Variants in CLTCL1 observed in about 807,000 individuals in gnomAD.
The protein encoded by CLTCL1 is clathrin heavy chain like 1, also known as clathrin heavy chain 2.
A neutral mutation model predicts 190.0 loss-of-function variants in CLTCL1; 159 were observed. The ratio of observed to expected loss-of-function variants is 0.84; its 90% CI spans 0.74 to 0.95. The LOEUF (loss-of-function observed/expected upper bound fraction) is 0.95. Ranked by LOEUF, CLTCL1 falls within the 40% of genes least tolerant of loss-of-function variation. The pLI, the probability that CLTCL1 is intolerant of heterozygous loss-of-function variation, is 0.00. For missense variants in CLTCL1, 1,878 were observed against 2,033.4 expected (o/e 0.92, Z 1.47); for synonymous variants, 752 against 769.6 (o/e 0.98, Z 0.38).
intron 22 of CLTCL1, among the ~76,000 whole-genome samples, chr22:19,203,541 T>C (rs2084961216): frequency 6.6e-6 from 1 of 152,106 alleles, no homozygotes; most frequent in South Asian, 2.1e-4. Context: ...CAGACATGGT[T>C]TTCTGGACAC....
intron 18 of CLTCL1, among the ~76,000 whole-genome samples, chr22:19,219,053 T>C (rs142053495): frequency 0.023 from 3,563 of 152,302 alleles, 49 homozygotes; most frequent in Non-Finnish European, 0.037. Flanking sequence ...GCCAACTCTA[T>C]GCCCTTGGCC....
At position 19,266,994 on chromosome 22, in the gene CLTCL1, G is replaced by A. The variant is rs541274709; in HGVS notation, c.250+8629C>T. Among the ~76,000 whole-genome samples the A allele has an allele frequency of 1.1e-4, 16 of 152,248 alleles. No individual in the cohort carries two copies. In the South Asian group the frequency reaches 2.3e-3, roughly 22 times the overall value. On this transcript the variant is annotated intron_variant, in intron 2 of 32. Transcript: ENST00000427926. ...TAATACTGTACTGGGTATTCTAGCCGATGCAATGTTGAAACAAACAGAATC... is the reference window on the plus strand; with the variant it reads ...TAATACTGTACTGGGTATTCTAGCCAATGCAATGTTGAAACAAACAGAATC...
At chr22:19,212,468 G>C (rs1390238831) in intron 19 of CLTCL1, among the ~76,000 whole-genome samples, 1 of 151,890 alleles carries the variant, frequency 6.6e-6, no homozygotes, top group Admixed American at 6.6e-5. Flanking sequence ...GGCTGAGATG[G>C]GAGGACTGCT....
At chr22:19,288,661 G>C (rs1555991511) in intron 1 of CLTCL1, among the ~76,000 whole-genome samples, 3 of 152,230 alleles carry the variant, frequency 2.0e-5, no homozygotes, top group Non-Finnish European at 2.9e-5. Flanking sequence ...ACCAGGACCT[G>C]CTACTGCCTC....
At chr22:19,189,901 G>A (rs1039778564) in intron 27 of CLTCL1, among the ~76,000 whole-genome samples, 21 of 152,122 alleles carry the variant, frequency 1.4e-4, no homozygotes, top group African/African-American at 4.3e-4. Context: ...ATTTCTTTGT[G>A]TTGGGAACAT....
chr22:19,208,102 C>T lies in CLTCL1; in HGVS notation c.3600+52G>A, dbSNP rs961788031. 4.2e-5 allele frequency: 68 copies of T among 1,609,906 alleles called. No individual in the cohort carries two copies. The African/African-American group carries it at 7.3e-4, about 17-fold the overall frequency. ...CGGGACTGCTGCTCTGAGGAACATC[C>T]CTGGACCTAAATCTGACTGGCAGTG... On this transcript the variant is annotated intron_variant, in intron 22 of 32. Coordinates refer to ENST00000427926, the MANE Select transcript of CLTCL1 (RefSeq NM_007098.4).
At chr22:19,281,648 C>G (rs1379851076) in intron 1 of CLTCL1, among the ~76,000 whole-genome samples, 3 of 152,188 alleles carry the variant, frequency 2.0e-5, no homozygotes, top group Admixed American at 6.5e-5. Flanking sequence ...CAGGATAGGA[C>G]TGGATGCTCT....
intron 1 of CLTCL1, among the ~76,000 whole-genome samples, chr22:19,285,104 T>G (rs540266999): frequency 1.9e-4 from 29 of 152,128 alleles, no homozygotes; most frequent in Middle Eastern, 3.4e-3. Context: ...TGAAACCCTG[T>G]CTCTACTAAA....
At chr22:19,256,354 C>CTTTTTTT (rs1239133099) in intron 2 of CLTCL1, among the ~76,000 whole-genome samples, 87 of 104,336 alleles carry the variant, frequency 8.3e-4, no homozygotes, top group Non-Finnish European at 9.5e-4. Context: ...TTTCTTTTAT[C>CTTTTTTT]TTTTTTTTTT....
intron 1 of CLTCL1, among the ~76,000 whole-genome samples, chr22:19,282,097 G>A (rs989785614): frequency 2.6e-5 from 4 of 152,034 alleles, no homozygotes; most frequent in Non-Finnish European, 4.4e-5. Context: ...TTGGGAGGTC[G>A]AGGTGGGCAG....
chr22:19,280,818 C>CAAAAA (rs35797654), intron 1 of CLTCL1, among the ~76,000 whole-genome samples: 5 of 59,390 alleles, frequency 8.4e-5, no homozygotes, highest in African/African-American at 1.4e-4. Flanking sequence ...GACTCCATCT[C>CAAAAA]AAAAAAAAAA....
At chr22:19,212,565 AAG>A (rs2085259707) in intron 19 of CLTCL1, among the ~76,000 whole-genome samples, 2 of 149,470 alleles carry the variant, frequency 1.3e-5, no homozygotes, top group South Asian at 4.3e-4. Context: ...TATTGAAAGA[AAG>A]AGAAAGAAAG....
chr22:19,291,421 T>A (rs1432063598), intron 1 of CLTCL1, among the ~76,000 whole-genome samples, 179 bp downstream of exon 1: 1 of 151,936 alleles, frequency 6.6e-6, no homozygotes, highest in African/African-American at 2.4e-5. Flanking sequence ...CCCAAGCGGG[T>A]CCTCAGGAGC....
At chr22:19,201,264 C>G in intron 23 of CLTCL1, 65 bp downstream of exon 23, 1 of 1,518,608 alleles carries the variant, frequency 6.6e-7, no homozygotes, top group Non-Finnish European at 8.9e-7. Context: ...CCGAGCAGAA[C>G]GCAAAGGACA....
intron 2 of CLTCL1, among the ~76,000 whole-genome samples, chr22:19,262,892 G>A (rs1444988242): frequency 1.3e-5 from 2 of 151,354 alleles, no homozygotes; most frequent in African/African-American, 2.4e-5. Flanking sequence ...TTAGCTGGGC[G>A]TGGTCGCACG....
rs189684519 is a variant in CLTCL1 at position 19,258,013 on chromosome 22, T to C, written c.251-3786A>G. 30 of 533,416 alleles carry C rather than the reference T, an allele frequency of 5.6e-5. No individual in the cohort carries two copies. The East Asian group carries it at 1.5e-3, about 27-fold the overall frequency. The allele number at this position is 533,416 out of a possible 1,614,324, so 33.0% of individuals were successfully genotyped here. ...ATGCCCATCTTGCTGCTGCTGACTT[T>C]AGAGTCAAGTATGAGACAGAGCTGG... On this transcript the variant is annotated intron_variant, in intron 2 of 32. Coordinates refer to ENST00000427926, the MANE Select transcript of CLTCL1 (RefSeq NM_007098.4).
chr22:19,272,128 CA>C (rs1166202447), intron 2 of CLTCL1, among the ~76,000 whole-genome samples: 4 of 152,132 alleles, frequency 2.6e-5, no homozygotes, highest in African/African-American at 7.2e-5. Flanking sequence ...AAATAAAAAA[CA>C]TTCCTAGTTC....
At chr22:19,243,072 C>T (rs1162153034) in intron 3 of CLTCL1, 136 bp from the exon 4 acceptor site, 1 of 783,338 alleles carries the variant, frequency 1.3e-6, no homozygotes, top group Non-Finnish European at 1.9e-6. Flanking sequence ...AATGTATTAG[C>T]TATTAAAGGC....
chr22:19,231,808 C>T (rs1015289940), intron 10 of CLTCL1, among the ~76,000 whole-genome samples: 2 of 152,084 alleles, frequency 1.3e-5, no homozygotes, highest in Admixed American at 1.3e-4. Flanking sequence ...AATTTCTTTC[C>T]TATTGAAAGC....
Sources: allele counts gnomAD v4.1 joint callset (sites outside exome capture counted in the v4.1 genomes callset), GRCh38; gene constraint gnomAD v4.1.1; transcripts MANE v1.5; gene names NCBI Gene and HGNC (gene_info 2026-07-23, HGNC 2026-07-21).